Variants in PCDH15 observed in about 807,000 individuals in gnomAD.
The protein encoded by PCDH15 is protocadherin-15.
In PCDH15, 129 loss-of-function variants were observed where a neutral mutation model predicts 178.5. The observed-to-expected ratio is 0.72, with a 90% CI of 0.63 to 0.84. The LOEUF is 0.84. Among genes scored for constraint, PCDH15 ranks in the 40% least tolerant of loss-of-function variants. The pLI, the probability that PCDH15 is intolerant of heterozygous loss-of-function variation, is 0.00. For synonymous variants in PCDH15, 800 were observed against 732.0 expected (o/e 1.09, Z -1.50); for missense variants, 2,230 against 2,099.9 (o/e 1.06, Z -1.21).
At chr10:53,884,909 G>A (rs542569489) in intron 26 of PCDH15, among the ~76,000 whole-genome samples, 1 of 151,230 alleles carries the variant, frequency 6.6e-6, no homozygotes, top group East Asian at 2.2e-4. Context: ...TAATTTTCAT[G>A]ATGATTACTA....
chr10:54,958,121 C>T (rs1306501598), intron 2 of PCDH15, among the ~76,000 whole-genome samples: 3 of 151,752 alleles, frequency 2.0e-5, no homozygotes, highest in African/African-American at 7.2e-5. Flanking sequence ...AAAACTTTAC[C>T]GTTTTTTGTT....
intron 1 of PCDH15, among the ~76,000 whole-genome samples, chr10:54,784,561 G>A (rs1950664506): frequency 6.6e-6 from 1 of 151,992 alleles, no homozygotes; most frequent in Admixed American, 6.6e-5. Flanking sequence ...CAAAAACTAA[G>A]AGAATCAATT....
At chr10:54,714,392 C>T (rs990511568) in intron 1 of PCDH15, among the ~76,000 whole-genome samples, 6 of 152,070 alleles carry the variant, frequency 3.9e-5, no homozygotes, top group East Asian at 3.9e-4. Flanking sequence ...TGTGTCCAGT[C>T]GCAATGTATA....
chr10:54,826,089 G>C (rs1768874212), intron 3 of PCDH15, among the ~76,000 whole-genome samples: 1 of 151,906 alleles, frequency 6.6e-6, no homozygotes, highest in African/African-American at 2.4e-5. Context: ...TTAGTAGTTA[G>C]TGCTTCTTTC....
chr10:54,912,213 A>T (rs1954830728), intron 2 of PCDH15, among the ~76,000 whole-genome samples: 1 of 152,090 alleles, frequency 6.6e-6, no homozygotes, highest in South Asian at 2.1e-4. Context: ...TAAGTTTAAT[A>T]AGTATTTACC....
At chr10:55,461,855 A>G (rs1839686156) in intron 2 of PCDH15, among the ~76,000 whole-genome samples, 2 of 152,236 alleles carry the variant, frequency 1.3e-5, no homozygotes, top group Admixed American at 6.6e-5. Context: ...AATATAATCA[A>G]AATTATATTG....
intron 10 of PCDH15, among the ~76,000 whole-genome samples, chr10:54,211,278 A>G (rs1362233747): frequency 6.6e-6 from 1 of 152,164 alleles, no homozygotes; most frequent in Non-Finnish European, 1.5e-5. Context: ...AATTACACAA[A>G]GACAATGGAC....
intron 6 of PCDH15, among the ~76,000 whole-genome samples, chr10:54,344,701 A>G (rs2795929): frequency 0.33 from 49,365 of 151,526 alleles, 9,080 homozygotes; most frequent in African/African-American, 0.51. Flanking sequence ...AAATGGTTTC[A>G]AAATCGAATG....
Position 55,224,548 on chromosome 10 carries a change from A to T in PCDH15, c.-155-57897T>A, listed in dbSNP as rs548260181. On this transcript the variant is annotated intron_variant, in intron 1 of 5. Coordinates refer to the PCDH15 transcript ENST00000458638. ...TCAAAGCTGAGGTCGCTCTAGACCA[A>T]CTAACCTTAGCTGATCCAACAGCAG... 1.4e-4 allele frequency among the ~76,000 whole-genome samples: 21 copies of T among 152,214 alleles called. 1 individual carries two copies. Among genetic ancestry groups the T allele is most frequent in the African/African-American group, 4.8e-4 (20 of 41,478 alleles).
intron 2 of PCDH15, among the ~76,000 whole-genome samples, chr10:55,408,070 A>G (rs184860053): frequency 6.6e-6 from 1 of 152,322 alleles, no homozygotes; most frequent in East Asian, 1.9e-4. Context: ...GCCATCACAG[A>G]ACCCAATGAT....
At chr10:53,828,008 A>G (rs757414621) in intron 31 of PCDH15, among the ~76,000 whole-genome samples, 1 of 152,018 alleles carries the variant, frequency 6.6e-6, no homozygotes, top group Non-Finnish European at 1.5e-5. Context: ...ACACATGTAC[A>G]AGGGAAATTT....
At chr10:55,093,354 C>CG (rs1842364186) in intron 2 of PCDH15, among the ~76,000 whole-genome samples, 1 of 151,124 alleles carries the variant, frequency 6.6e-6, no homozygotes, top group African/African-American at 2.4e-5. Context: ...TTCAAGATGC[C>CG]GGAAAAAGTC....
At chr10:54,655,999 G>C (rs912202196) in intron 2 of PCDH15, 2 of 152,108 alleles carry the variant, frequency 1.3e-5, no homozygotes, top group South Asian at 4.1e-4. Context: ...ACATGTAATA[G>C]CTTACAAAGC....
rs778307616 is a variant in PCDH15 at position 55,437,832 on chromosome 10, CTTTT to C, written c.-156+189789_-156+189792del. 5.9e-3 allele frequency among the ~76,000 whole-genome samples: 504 copies of C among 85,152 alleles called. 6 individuals are homozygous for C. The highest frequency in any genetic ancestry group is 0.024 in the African/African-American group (479 of 20,250). The allele number at this position is 85,152 out of a possible 152,430, so 55.9% of individuals were successfully genotyped here. ...CCAAATTGTCTTTCTTATTGCTTTT[CTTTT>C]TTTTTTTTTTTTTTTTTTCAGACGG... On this transcript the variant is annotated intron_variant, in intron 2 of 5. Coordinates refer to the PCDH15 transcript ENST00000613346.
intron 3 of PCDH15, among the ~76,000 whole-genome samples, chr10:54,526,623 T>A (rs1297348877): frequency 1.3e-5 from 2 of 152,316 alleles, no homozygotes; most frequent in Admixed American, 6.5e-5. Flanking sequence ...TAACTCCATA[T>A]GATTTTATTA....
At chr10:54,576,239 A>G (rs1027198769) in intron 2 of PCDH15, among the ~76,000 whole-genome samples, 5 of 152,158 alleles carry the variant, frequency 3.3e-5, no homozygotes, top group Non-Finnish European at 5.9e-5. Flanking sequence ...CAATGCAATG[A>G]TCCCTTTTGT....
In PCDH15 at chr10:54,302,477, C is replaced by T. The variant is rs573062875; in HGVS notation, c.876+14794G>A. ...GTGATTAGGTCATGAGGGGTGTTAACAATAGTTCCCTTAATAAATGAAAGG... is the reference window on the plus strand; with the variant it reads ...GTGATTAGGTCATGAGGGGTGTTAATAATAGTTCCCTTAATAAATGAAAGG... On this transcript the variant is annotated intron_variant, in intron 8 of 37. Coordinates refer to ENST00000644397, the MANE Select transcript of PCDH15 (RefSeq NM_001384140.1). Among the ~76,000 whole-genome samples the T allele has an allele frequency of 2.0e-5, 3 of 152,178 alleles. No homozygotes were observed. The South Asian group carries it at 6.2e-4, about 32-fold the overall frequency.
intron 1 of PCDH15, among the ~76,000 whole-genome samples, chr10:54,742,146 T>C (rs1037209964): frequency 1.3e-5 from 2 of 152,098 alleles, no homozygotes; most frequent in African/African-American, 4.8e-5. Context: ...ATTTTTGTTA[T>C]GAGGTCATTG....
intron 3 of PCDH15, among the ~76,000 whole-genome samples, chr10:54,390,920 T>G (rs1287311062): frequency 6.6e-6 from 1 of 152,172 alleles, no homozygotes; most frequent in Non-Finnish European, 1.5e-5. Context: ...GTGCCAATTT[T>G]CAGTGCCTTT....
Sources: gnomAD v4.1 joint callset for allele counts (sites outside exome capture counted in the v4.1 genomes callset) on GRCh38, gnomAD v4.1.1 for gene constraint, MANE v1.5 for transcripts, NCBI Gene and HGNC (gene_info 2026-07-23, HGNC 2026-07-21) for gene names.